UHRF2: variants seen among roughly 807,000 people sequenced by gnomAD.
UHRF2 encodes E3 ubiquitin-protein ligase UHRF2.
Under a neutral mutation model 96.8 loss-of-function variants are expected in UHRF2, and 23 were observed. The observed-to-expected ratio is 0.24, with a 90% CI of 0.17 to 0.34. The LOEUF is 0.34. Among genes scored for constraint, UHRF2 ranks in the 10% least tolerant of loss-of-function variants. The probability of loss-of-function intolerance (pLI) is 1.00; values close to 1 mark genes in which losing one functional copy is unlikely to be tolerated. For synonymous variants in UHRF2, 385 were observed against 332.6 expected (o/e 1.16, Z -1.72); for missense variants, 685 against 981.5 (o/e 0.70, Z 4.04).
chr9:6,471,674 A>G (rs964297119), intron 4 of UHRF2, among the ~76,000 whole-genome samples: 1 of 152,150 alleles, frequency 6.6e-6, no homozygotes, highest in Non-Finnish European at 1.5e-5. Context: ...GAAAGATCTT[A>G]AGCCAGAACT....
intron 2 of UHRF2, chr9:6,422,937 T>C (rs1046932327): frequency 1.5e-5 from 5 of 332,750 alleles, no homozygotes; most frequent in Non-Finnish European, 2.1e-5. Flanking sequence ...TTGGCTTTTG[T>C]AACCAGCAAC....
rs898786609 is a variant in UHRF2 at position 6,413,775 on chromosome 9, C to G, written c.153+132C>G. ...CTGGCTCCGCTGCGGGTGGGCAGCC[C>G]CCGCGAGGCGCGGGGTGCGGGGCCC... On this transcript the variant is annotated intron_variant, in intron 1 of 15. Transcript: ENST00000276893. 4 of 1,187,018 alleles carry G rather than the reference C, an allele frequency of 3.4e-6. No individual in the cohort carries two copies. The East Asian group carries it at 1.3e-4, about 39-fold the overall frequency. 73.5% of individuals were successfully genotyped at this position (1,187,018 alleles called of 1,614,324 possible).
intron 3 of UHRF2, among the ~76,000 whole-genome samples, chr9:6,434,640 T>C (rs904720513): frequency 6.6e-6 from 1 of 152,140 alleles, no homozygotes; most frequent in Non-Finnish European, 1.5e-5. Context: ...GGTTTCATCA[T>C]GTTGGCCAGA....
chr9:6,426,270 A>G (rs1203773969), intron 2 of UHRF2, among the ~76,000 whole-genome samples: 5 of 152,184 alleles, frequency 3.3e-5, no homozygotes, highest in African/African-American at 4.8e-5. Flanking sequence ...CATCTCTTCT[A>G]TTTCCTATTA....
intron 3 of UHRF2, among the ~76,000 whole-genome samples, chr9:6,450,365 G>A (rs1413438914): frequency 1.5e-5 from 2 of 132,832 alleles, no homozygotes; most frequent in Non-Finnish European, 3.0e-5. Context: ...TTCTCAGTCT[G>A]GATTTTACTG....
intron 14 of UHRF2, among the ~76,000 whole-genome samples, chr9:6,503,152 G>A (rs893347011): frequency 4.6e-5 from 7 of 151,962 alleles, no homozygotes; most frequent in Admixed American, 6.6e-5. Flanking sequence ...CCGCCACCAC[G>A]CCCGGCTAAT....
intron 3 of UHRF2, among the ~76,000 whole-genome samples, chr9:6,435,930 A>T (rs960506141): frequency 2.6e-5 from 4 of 152,196 alleles, no homozygotes; most frequent in African/African-American, 9.6e-5. Context: ...TTAAACTGTT[A>T]GGATGGAAGT....
At chr9:6,451,448 C>T (rs1456795749) in intron 3 of UHRF2, among the ~76,000 whole-genome samples, 1 of 145,564 alleles carries the variant, frequency 6.9e-6, no homozygotes, top group East Asian at 2.1e-4. Flanking sequence ...TATCTTGTTT[C>T]TTACCTAGTT....
chr9:6,506,203 T>G lies in UHRF2; in HGVS notation c.*24T>G. 6.2e-7 allele frequency: 1 copy of G among 1,611,914 alleles called. No homozygotes were observed. Among genetic ancestry groups the G allele is most frequent in the Non-Finnish European group, 8.5e-7 (1 of 1,178,720 alleles). On this transcript the variant is annotated 3_prime_UTR_variant, in exon 16 of 16. Coordinates refer to ENST00000276893, the MANE Select transcript of UHRF2 (RefSeq NM_152896.3). ...GATCTGCCTGCTTTCACTGTGTTGTTCATGGTGGCTTTTTGGACAATAAAG... is the reference window on the plus strand; with the variant it reads ...GATCTGCCTGCTTTCACTGTGTTGTGCATGGTGGCTTTTTGGACAATAAAG...
intron 4 of UHRF2, among the ~76,000 whole-genome samples, chr9:6,464,710 G>C (rs1224491946): frequency 1.3e-5 from 2 of 152,118 alleles, no homozygotes; most frequent in African/African-American, 4.8e-5. Context: ...GTCATATCAA[G>C]AATCTTATAT....
chr9:6,503,960 T>G (rs1165674768), intron 14 of UHRF2, among the ~76,000 whole-genome samples: 1 of 151,762 alleles, frequency 6.6e-6, no homozygotes, highest in Admixed American at 6.6e-5. Flanking sequence ...TTATATAACT[T>G]TGCTCTTCTC....
At chr9:6,501,493 A>AT (rs1816290720) in intron 14 of UHRF2, among the ~76,000 whole-genome samples, 1 of 152,248 alleles carries the variant, frequency 6.6e-6, no homozygotes, top group African/African-American at 2.4e-5. Context: ...AAAACTCTAC[A>AT]GAGTTTCCTT....
intron 10 of UHRF2, 79 bp downstream of exon 10, chr9:6,494,011 G>A: frequency 1.6e-6 from 2 of 1,253,338 alleles, no homozygotes; most frequent in Non-Finnish European, 2.2e-6. Flanking sequence ...AACTTACGTT[G>A]CAGAGGAGAA....
chr9:6,451,033 T>C (rs1412152527), intron 3 of UHRF2, among the ~76,000 whole-genome samples: 3 of 152,218 alleles, frequency 2.0e-5, no homozygotes, highest in African/African-American at 4.8e-5. Flanking sequence ...GGGTTACAAC[T>C]TAACCTCTGT....
At chr9:6,467,997 TCTTA>T (rs1822984194) in intron 4 of UHRF2, among the ~76,000 whole-genome samples, 1 of 152,226 alleles carries the variant, frequency 6.6e-6, no homozygotes, top group Admixed American at 6.5e-5. Context: ...AGTCTTTTTT[TCTTA>T]CTTGAAATTA....
intron 7 of UHRF2, 40 bp downstream of exon 7, chr9:6,481,806 A>G (rs1409362645): frequency 1.3e-6 from 2 of 1,593,168 alleles, no homozygotes; most frequent in African/African-American, 1.4e-5. Flanking sequence ...ATAGCAAGTT[A>G]TAATATATAA....
intron 4 of UHRF2, among the ~76,000 whole-genome samples, chr9:6,463,784 T>C (rs1822703736): frequency 6.6e-6 from 1 of 152,188 alleles, no homozygotes; most frequent in Non-Finnish European, 1.5e-5. Flanking sequence ...AAAAATTTTT[T>C]TTTTTAATGA....
intron 1 of UHRF2, 68 bp from the exon 2 acceptor site, chr9:6,420,844 T>G: frequency 7.6e-7 from 1 of 1,321,946 alleles, no homozygotes; most frequent in African/African-American, 1.5e-5. Context: ...CTAGGACATT[T>G]GAGCAACTAA....
chr9:6,448,621 G>T (rs12551361), intron 3 of UHRF2, among the ~76,000 whole-genome samples: 24,432 of 152,214 alleles, frequency 0.16, 2,285 homozygotes, highest in Admixed American at 0.24. Context: ...AATTATAAGA[G>T]GAGGATGGAG....
Sources: allele counts gnomAD v4.1 joint callset (sites outside exome capture counted in the v4.1 genomes callset), GRCh38; gene constraint gnomAD v4.1.1; transcripts MANE v1.5; gene names NCBI Gene and HGNC (gene_info 2026-07-23, HGNC 2026-07-21).